The following KLHL5 variants were observed in gnomAD, a reference collection of about 807,000 sequenced individuals.
The protein encoded by KLHL5 is kelch like family member 5.
KLHL5 carries 48 observed loss-of-function variants against 77.7 expected under a neutral mutation model. The observed-to-expected ratio is 0.62, with a 90% CI of 0.49 to 0.79. The LOEUF (loss-of-function observed/expected upper bound fraction) is 0.79, where lower values mean the gene tolerates loss of function less well. Ranked by LOEUF, KLHL5 falls within the 30% of genes least tolerant of loss-of-function variation. The pLI, the probability that KLHL5 is intolerant of heterozygous loss-of-function variation, is 0.00. For missense variants in KLHL5, 723 were observed against 859.7 expected, an observed-to-expected ratio of 0.84 and a Z score of 1.99; for synonymous variants, 260 against 297.0, an observed-to-expected ratio of 0.88 and a Z score of 1.28.
intron 5 of KLHL5, among the ~76,000 whole-genome samples, chr4:39,095,943 A>G (rs2109465645): frequency 6.6e-6 from 1 of 152,158 alleles, no homozygotes; most frequent in East Asian, 1.9e-4. Flanking sequence ...TGAAGAAAAT[A>G]TGAAAGGCTG....
intron 1 of KLHL5, among the ~76,000 whole-genome samples, chr4:39,053,434 T>C (rs922101137): frequency 2.0e-5 from 3 of 152,206 alleles, no homozygotes; most frequent in African/African-American, 7.2e-5. Context: ...CTGGATTTGG[T>C]TGAAGTCAGT....
chr4:39,140,171 A>T, the KLHL5 span, among the ~76,000 whole-genome samples: 1 of 152,096 alleles, frequency 6.6e-6, no homozygotes, highest in Admixed American at 6.6e-5. Flanking sequence ...CGAGGCTGCC[A>T]TGAGCCAAGA....
At chr4:39,100,507 T>G (rs764950930) in intron 6 of KLHL5, among the ~76,000 whole-genome samples, 10 of 152,226 alleles carry the variant, frequency 6.6e-5, no homozygotes, top group Non-Finnish European at 1.3e-4. Context: ...TAGCCTATAT[T>G]ATTTCATTTC....
intron 7 of KLHL5, among the ~76,000 whole-genome samples, chr4:39,104,317 CATTACTCCTGAGTCCATAAA>C (rs1276562678): frequency 6.6e-6 from 1 of 152,094 alleles, no homozygotes; most frequent in Admixed American, 6.5e-5. Context: ...ACTTGTAAAA[CATTACTCCTGAGTCCATAAA>C]ATCAACTATT....
chr4:39,093,786 A>G (rs905709713), intron 5 of KLHL5, among the ~76,000 whole-genome samples: 6 of 152,002 alleles, frequency 3.9e-5, no homozygotes, highest in Non-Finnish European at 7.4e-5. Flanking sequence ...CATGCCTGTA[A>G]TCCCAGCTAC....
chr4:39,046,357 G>A (rs1716189336), intron 1 of KLHL5, among the ~76,000 whole-genome samples: 1 of 152,120 alleles, frequency 6.6e-6, no homozygotes, highest in Non-Finnish European at 1.5e-5. Context: ...ATAATACCAA[G>A]TTCCTATTTA....
the KLHL5 span, chr4:39,135,177 T>C: frequency 6.6e-6 from 1 of 152,232 alleles, no homozygotes; most frequent in Admixed American, 6.5e-5. Flanking sequence ...TCATGGATGC[T>C]GGCAGAAGAC....
At position 39,101,126 on chromosome 4, in the gene KLHL5, T is replaced by TATACATATATATATCTATATATATATATA. The variant is rs1553892884; in HGVS notation, c.1301-2161_1301-2160insATACATATATATATCTATATATATATATA. ...TTTGTTAATTTTGGATATTTGGATT[T>TATACATATATATATCTATATATATATATA]TATATATATATATATATATATCTAC... On this transcript the variant is annotated intron_variant, in intron 6 of 10. Coordinates refer to ENST00000504108, the MANE Select transcript of KLHL5 (RefSeq NM_015990.5). 1.5e-5 allele frequency among the ~76,000 whole-genome samples: 2 copies of TATACATATATATATCTATATATATATATA among 134,844 alleles called. 1 individual carries two copies. Among genetic ancestry groups the TATACATATATATATCTATATATATATATA allele is most frequent in the African/African-American group, 5.6e-5 (2 of 35,860 alleles). The allele number at this position is 134,844 out of a possible 152,430, so 88.5% of individuals were successfully genotyped here.
chr4:39,060,789 C>T (rs1717351173), upstream of KLHL5, among the ~76,000 whole-genome samples: 1 of 152,166 alleles, frequency 6.6e-6, no homozygotes, highest in South Asian at 2.1e-4. Flanking sequence ...AGTGTCATTT[C>T]ACTCTCTAAT....
chr4:39,107,828 G>A (rs1043980845), intron 8 of KLHL5, 97 bp downstream of exon 8: 77 of 851,476 alleles, frequency 9.0e-5, no homozygotes, highest in Non-Finnish European at 7.4e-5. Context: ...TACTTACAGT[G>A]ATTTGAAGAA....
intron 1 of KLHL5, among the ~76,000 whole-genome samples, chr4:39,052,947 G>A (rs902746106): frequency 2.0e-5 from 3 of 152,082 alleles, no homozygotes; most frequent in Admixed American, 6.5e-5. Flanking sequence ...TTCTAGCCTC[G>A]ACTGATCTCC....
Position 39,081,991 on chromosome 4 carries a change from T to C in KLHL5, c.732T>C (p.Ile244=), listed in dbSNP as rs368239171. 5 of 1,604,634 alleles carry C rather than the reference T, an allele frequency of 3.1e-6. No homozygotes were observed. The highest frequency in any genetic ancestry group is 3.4e-6 in the Non-Finnish European group (4 of 1,176,966). The change falls in exon 4 of 11, where the codon ATT becomes ATC. Residue 244 remains isoleucine, a synonymous_variant. Transcript: ENST00000504108. The surrounding 1 kb of genome is among the most constrained non-coding windows in gnomAD (Gnocchi z 4.3). The part of the protein sequence containing the change: ...TGRLELKEDN[I]ECLLSTACLL... The stretch of plus-strand genomic sequence containing the variant: ...GCCTTGAATTAAAAGAAGATAATAT[T>C]GAGTGCCTGTTATCTACAGCTTGCC...
At chr4:39,120,919 A>G in intron 10 of KLHL5, 91 bp from the exon 11 acceptor site, 1 of 1,004,992 alleles carries the variant, frequency 1.0e-6, no homozygotes, top group Non-Finnish European at 1.6e-6. Context: ...TTTGCCAACA[A>G]GTACAGGCTG....
At chr4:39,089,993 T>G (rs1486713082) in intron 5 of KLHL5, among the ~76,000 whole-genome samples, 1 of 152,194 alleles carries the variant, frequency 6.6e-6, no homozygotes, top group Non-Finnish European at 1.5e-5. Context: ...CATTTAGAGA[T>G]ATTGTCAGGG....
chr4:39,132,649 T>C, the KLHL5 span, among the ~76,000 whole-genome samples: 18 of 151,416 alleles, frequency 1.2e-4, no homozygotes, highest in African/African-American at 1.7e-4. Context: ...CTCTAGGCCT[T>C]GATATTTTCA....
chr4:39,071,941 A>C (rs945940320), intron 1 of KLHL5, among the ~76,000 whole-genome samples: 1 of 152,232 alleles, frequency 6.6e-6, no homozygotes, highest in African/African-American at 2.4e-5. Flanking sequence ...AAGCAAAACT[A>C]AGCAGAGATG....
intron 1 of KLHL5, among the ~76,000 whole-genome samples, chr4:39,069,473 T>TAC (rs57779550): frequency 5.1e-4 from 36 of 70,326 alleles, no homozygotes; most frequent in Non-Finnish European, 6.6e-4. Flanking sequence ...TATATATATA[T>TAC]ACACACACAC....
At chr4:39,131,912 T>C in the KLHL5 span, among the ~76,000 whole-genome samples, 377 of 145,822 alleles carry the variant, frequency 2.6e-3, 3 homozygotes, top group African/African-American at 8.8e-3. Flanking sequence ...AAGAAAAAAA[T>C]CCAAGTGAAA....
intron 4 of KLHL5, 66 bp from the exon 5 acceptor site, chr4:39,086,449 T>G (rs1720044529): frequency 2.3e-6 from 3 of 1,296,194 alleles, no homozygotes; most frequent in Non-Finnish European, 3.3e-6. Flanking sequence ...AGCTTTTACT[T>G]TCTTCTAAGT....
Sources: gnomAD v4.1 joint callset for allele counts (sites outside exome capture counted in the v4.1 genomes callset) on GRCh38, gnomAD v4.1.1 for gene constraint, Gnocchi (gnomAD v3.1) non-coding constraint, MANE v1.5 for transcripts, NCBI Gene and HGNC (gene_info 2026-07-23, HGNC 2026-07-21) for gene names.